MPP7: variants seen among roughly 807,000 people sequenced by gnomAD.
MPP7 encodes MAGUK p55 scaffold protein 7, also known as MAGUK p55 subfamily member 7.
MPP7 carries 60 observed loss-of-function variants against 76.5 expected under a neutral mutation model. The ratio of observed to expected loss-of-function variants is 0.78; its 90% CI spans 0.64 to 0.97. The LOEUF is 0.97. Ranked by LOEUF, MPP7 falls within the 50% of genes least tolerant of loss-of-function variation. The pLI is 0.00. For missense variants in MPP7, 641 were observed against 694.0 expected, an observed-to-expected ratio of 0.92 and a Z score of 0.86; for synonymous variants, 237 against 244.5, an observed-to-expected ratio of 0.97 and a Z score of 0.29.
chr10:28,051,892 A>C lies in MPP7; in HGVS notation c.*2173T>G, dbSNP rs1851373710. ...CATGGCAAGACCCTGTCTCAAAAAAAAAAAAAAAAGTATACTACCTGATTT... is the reference window on the plus strand; with the variant it reads ...CATGGCAAGACCCTGTCTCAAAAAACAAAAAAAAAGTATACTACCTGATTT... On this transcript the variant is annotated 3_prime_UTR_variant, in exon 17 of 17. Transcript: ENST00000683449. 1 of 152,250 alleles carries C rather than the reference A, an allele frequency of 6.6e-6. No individual in the cohort carries two copies. Among genetic ancestry groups the C allele is most frequent in the African/African-American group, 2.4e-5 (1 of 41,408 alleles). The allele number at this position is 152,250 out of a possible 1,614,324, so 9.4% of individuals were successfully genotyped here.
chr10:28,115,898 T>C (rs1310447147), intron 11 of MPP7, among the ~76,000 whole-genome samples: 3 of 152,240 alleles, frequency 2.0e-5, no homozygotes, highest in Non-Finnish European at 4.4e-5. Flanking sequence ...TGTTTTCCTT[T>C]CTAATCTTTA....
intron 2 of MPP7, among the ~76,000 whole-genome samples, chr10:28,310,366 CA>C (rs756008221): frequency 1.8e-4 from 27 of 152,232 alleles, no homozygotes; most frequent in Non-Finnish European, 4.4e-5. Flanking sequence ...GCCTAACACA[CA>C]GCCAGTTCTT....
Position 28,163,929 on chromosome 10 carries a change from G to A in MPP7, c.157-13870C>T, listed in dbSNP as rs1250569999. ...GCTCCATCTCAAAAAAAAAAAAAAA[G>A]AATGAGTATTATATTTCTATAAAAA... On this transcript the variant is annotated intron_variant, in intron 3 of 16. Coordinates refer to ENST00000683449, the MANE Select transcript of MPP7 (RefSeq NM_001318170.2). 3.5e-3 allele frequency among the ~76,000 whole-genome samples: 302 copies of A among 86,530 alleles called. 3 individuals carry two copies. Among genetic ancestry groups the A allele is most frequent in the Non-Finnish European group, 5.3e-3 (215 of 40,508 alleles). The allele number at this position is 86,530 out of a possible 152,430, so 56.8% of individuals were successfully genotyped here. A position where few individuals can be genotyped will look rare whatever the true frequency, so the allele number is the denominator to read the frequency against.
chr10:28,200,120 C>G (rs1837722137), intron 3 of MPP7, among the ~76,000 whole-genome samples: 1 of 152,174 alleles, frequency 6.6e-6, no homozygotes. Flanking sequence ...ATCCTCCAAG[C>G]TTAAATAGAC....
In MPP7 at chr10:28,274,070, A is replaced by G. The variant is rs538081690; in HGVS notation, c.-132+28791T>C. Among the ~76,000 whole-genome samples, 5 of 150,290 alleles carry G rather than the reference A, an allele frequency of 3.3e-5. No homozygotes were observed. In the South Asian group the frequency reaches 1.1e-3, roughly 32 times the overall value. ...AGTCCAGGGGTTCAAGACCATCATG[A>G]TACCCCATCTCTGTAAAATAAAATT... is the stretch of plus-strand genomic sequence containing the variant. On this transcript the variant is annotated intron_variant, in intron 1 of 16. Coordinates refer to ENST00000683449, the MANE Select transcript of MPP7 (RefSeq NM_001318170.2).
At chr10:28,277,207 T>C (rs1042072268) in intron 1 of MPP7, among the ~76,000 whole-genome samples, 2 of 151,660 alleles carry the variant, frequency 1.3e-5, no homozygotes, top group Non-Finnish European at 2.9e-5. Context: ...AATCAATCAA[T>C]CCTACTACAA....
intron 1 of MPP7, among the ~76,000 whole-genome samples, chr10:28,290,514 G>T (rs1003977779): frequency 1.3e-5 from 2 of 151,702 alleles, no homozygotes; most frequent in East Asian, 1.9e-4. Context: ...CTTTTGTTGC[G>T]CAGGCTGGAG....
intron 5 of MPP7, among the ~76,000 whole-genome samples, chr10:28,133,378 C>T (rs188901771): frequency 6.6e-6 from 1 of 152,288 alleles, no homozygotes; most frequent in East Asian, 1.9e-4. Context: ...TGCCCTCCTC[C>T]TCATTCAACT....
chr10:28,120,615 C>T lies in MPP7; in HGVS notation c.669G>A (p.Glu223=), dbSNP rs118180599. Residue 223 remains glutamate (E), a synonymous_variant, in exon 9 of 17, where the codon GAG becomes GAA. Coordinates refer to ENST00000683449, the MANE Select transcript of MPP7 (RefSeq NM_001318170.2). ...TTACCTTGCCTTCTTTTGATGGTGT[C>T]TCCTCTTTGCTGCCGGGTATAATCT... ...TFKIIPGSKE[E]TPSKEGKMFI... 7,665 of 1,613,712 alleles carry T rather than the reference C, an allele frequency of 4.7e-3. 33 individuals carry two copies. The highest frequency in any genetic ancestry group is 8.3e-3 in the Middle Eastern group (50 of 6,058).
chr10:28,053,822 C>T lies in MPP7; in HGVS notation c.*243G>A, dbSNP rs1851443366. 2.1e-6 allele frequency: 1 copy of T among 479,000 alleles called. No homozygotes were observed. The highest frequency in any genetic ancestry group is 2.0e-5 in the African/African-American group (1 of 49,840). The allele number at this position is 479,000 out of a possible 1,614,324, so 29.7% of individuals were successfully genotyped here. On this transcript the variant is annotated 3_prime_UTR_variant, in exon 17 of 17. Transcript: ENST00000683449. ...CTTGGAGATAGAGCGGTATTGAAGA[C>T]AACGAGAAGGTTTGAGGTTTTGCTT...
At chr10:28,266,877 C>A (rs970173635) in intron 1 of MPP7, among the ~76,000 whole-genome samples, 1 of 152,236 alleles carries the variant, frequency 6.6e-6, no homozygotes, top group Non-Finnish European at 1.5e-5. Context: ...GTGCATCTGG[C>A]ATGCAGTAAG....
At chr10:28,183,066 G>A (rs1048718817) in intron 3 of MPP7, among the ~76,000 whole-genome samples, 15 of 152,140 alleles carry the variant, frequency 9.9e-5, no homozygotes, top group Non-Finnish European at 1.9e-4. Flanking sequence ...CAACAAGAGC[G>A]AAACGCCATC....
At chr10:28,303,533 A>G (rs1589043919), upstream of MPP7, 2 of 152,226 alleles carry the variant, frequency 1.3e-5, no homozygotes, top group Admixed American at 1.3e-4. Flanking sequence ...AAAATGCTGC[A>G]TAAGATTGAG....
intron 1 of MPP7, among the ~76,000 whole-genome samples, chr10:28,270,648 C>T (rs945264947): frequency 1.3e-5 from 2 of 152,022 alleles, no homozygotes; most frequent in African/African-American, 4.8e-5. Context: ...AACATCAACG[C>T]CCTCTATCCT....
At chr10:28,157,516 G>A (rs1489030551) in intron 3 of MPP7, among the ~76,000 whole-genome samples, 2 of 152,220 alleles carry the variant, frequency 1.3e-5, no homozygotes, top group Non-Finnish European at 2.9e-5. Flanking sequence ...CCATAAACTG[G>A]TTGTCACTTC....
chr10:28,078,926 G>A (rs1852626702), intron 12 of MPP7, among the ~76,000 whole-genome samples: 1 of 152,094 alleles, frequency 6.6e-6, no homozygotes, highest in South Asian at 2.1e-4. Flanking sequence ...TTAAATTTAA[G>A]AAAACAGTCA....
intron 13 of MPP7, among the ~76,000 whole-genome samples, chr10:28,062,531 AACACACACACACACACACACACACAC>A (rs56923979): frequency 0.016 from 2,072 of 132,384 alleles, 51 homozygotes; most frequent in African/African-American, 0.053. Context: ...CATAATAGTA[AACACACACACACACACACACACACAC>A]ACACACACAC....
At chr10:28,154,546 G>A (rs555105000) in intron 3 of MPP7, among the ~76,000 whole-genome samples, 224 of 152,160 alleles carry the variant, frequency 1.5e-3, no homozygotes, top group African/African-American at 5.2e-3. Context: ...ACCAAAAACC[G>A]TTTTTAGGCT....
chr10:28,303,141 G>T (rs191482902), upstream of MPP7, among the ~76,000 whole-genome samples: 3 of 152,334 alleles, frequency 2.0e-5, no homozygotes, highest in East Asian at 3.9e-4. Flanking sequence ...GGTAAGAGGG[G>T]CCTGCTGATA....
Sources: allele counts gnomAD v4.1 joint callset (sites outside exome capture counted in the v4.1 genomes callset), GRCh38; gene constraint gnomAD v4.1.1; transcripts MANE v1.5; gene names NCBI Gene and HGNC (gene_info 2026-07-23, HGNC 2026-07-21).